ZSWIM8: variants seen among roughly 807,000 people sequenced by gnomAD.
The protein encoded by ZSWIM8 is zinc finger SWIM domain-containing protein 8.
In ZSWIM8, 27 loss-of-function variants were observed where a neutral mutation model predicts 173.7. The observed-to-expected ratio is 0.16, with a 90% CI of 0.11 to 0.21. ZSWIM8 has a LOEUF of 0.21. ZSWIM8 is among the 10% of genes least tolerant of loss of function. The pLI, the probability that ZSWIM8 is intolerant of heterozygous loss-of-function variation, is 1.00. For synonymous variants in ZSWIM8, 958 were observed against 962.0 expected, an observed-to-expected ratio of 1.00 and a Z score of 0.08; for missense variants, 1,627 against 2,428.8, an observed-to-expected ratio of 0.67 and a Z score of 6.94.
chr10:73,791,132 C>T lies in ZSWIM8; in HGVS notation c.1099C>T (p.Pro367Ser). 1 of 1,613,156 alleles carries T rather than the reference C, an allele frequency of 6.2e-7. No homozygotes were observed. The highest frequency in any genetic ancestry group is 8.5e-7 in the Non-Finnish European group (1 of 1,179,272). The change falls in exon 8 of 26, where the codon CCC becomes TCC. Residue 367 changes from proline (P) to serine (S), a missense_variant. Transcript: ENST00000604729. This position sits in a 1 kb window ranked among gnomAD's most constrained non-coding sequence, Gnocchi z 6.0. ...CAAGCGGAGGGACAGCAATGCTGCC[C>T]CCTTGTTGGAAATCCTCACTGACCA... ...MFKRRDSNAA[P>S]LLEILTDQCL...
chr10:73,791,600 T>A lies in ZSWIM8; in HGVS notation c.1319+101T>A. The A allele has an allele frequency of 8.8e-6, 12 of 1,356,464 alleles. No individual in the cohort carries two copies. The highest frequency in any genetic ancestry group is 1.2e-5 in the Non-Finnish European group (12 of 1,022,754). The allele number at this position is 1,356,464 out of a possible 1,614,324, so 84.0% of individuals were successfully genotyped here. On this transcript the variant is annotated intron_variant, in intron 9 of 25. Transcript: ENST00000604729. The surrounding 1 kb of genome is among the most constrained non-coding windows in gnomAD (Gnocchi z 6.0). ...TTGCAGAGACATACCATGATTTTAG[T>A]CCTCGGGAAACGGGAGGTGCTGAGC...
chr10:73,799,849 G>C, intron 21 of ZSWIM8, 162 bp from the exon 22 acceptor site: 1 of 705,838 alleles, frequency 1.4e-6, no homozygotes, highest in Admixed American at 2.8e-5. Context: ...GGAGGCAGAG[G>C]TTGCAGTGAG....
Position 73,800,041 on chromosome 10 carries a change from T to C in ZSWIM8, c.4696T>C (p.Tyr1566His). ...GCATCCTGCATTCCTAGGGGCTCAG[T>C]ACCCTTATTCAGTGACTCCTCCCTC... ...GVHPAFLGAQ[Y>H]PYSVTPPSLA... Residue 1566 changes from tyrosine (Y) to histidine (H), a missense_variant, in exon 22 of 26, where the codon TAC becomes CAC. Tyr to His is a moderately conservative substitution (Grantham distance 83, BLOSUM62 2). Coordinates refer to ENST00000604729, the MANE Select transcript of ZSWIM8 (RefSeq NM_001367799.1). This position sits in a 1 kb window ranked among gnomAD's most constrained non-coding sequence, Gnocchi z 4.1. The C allele has an allele frequency of 6.2e-7, 1 of 1,613,822 alleles. No individual in the cohort carries two copies. Among genetic ancestry groups the C allele is most frequent in the Non-Finnish European group, 8.5e-7 (1 of 1,179,806 alleles).
At chr10:73,794,720 G>T in intron 14 of ZSWIM8, 81 bp downstream of exon 14, 1 of 1,257,044 alleles carries the variant, frequency 8.0e-7, no homozygotes, top group Non-Finnish European at 1.1e-6. Flanking sequence ...GTGAAGGGCT[G>T]TATGGTAATG....
Position 73,795,622 on chromosome 10 carries a change from C to T in ZSWIM8, c.2992C>T (p.Leu998=), listed in dbSNP as rs1215010776. 6 of 1,613,712 alleles carry T rather than the reference C, an allele frequency of 3.7e-6. No homozygotes were observed. The African/African-American group carries it at 4.0e-5, about 11-fold the overall frequency. The change falls in exon 15 of 26, where the codon CTA becomes TTA. Residue 998 remains leucine (L), a synonymous_variant. Coordinates refer to ENST00000604729, the MANE Select transcript of ZSWIM8 (RefSeq NM_001367799.1). ...GGAGAAGGGTGACCTGGCATTAGCA[C>T]TAATGATCACTTACAAGGACGACCA... ...RREKGDLALA[L]MITYKDDQAK...
At chr10:73,796,559 C>T in intron 15 of ZSWIM8, 1 of 608,190 alleles carries the variant, frequency 1.6e-6, no homozygotes. Context: ...TATATTCTGC[C>T]CTGTGGTGTT....
rs370446524 is a variant in ZSWIM8, at chr10:73,797,868, G to A, written c.3750G>A (p.Ala1250=). The part of the protein sequence containing the change: ...EAAAHFYFEL[A]KTVLIKAGGN... ...CTGCACACTTCTACTTCGAGCTGGC[G>A]AAGACAGTGCTGATCAAGGCAGGGG... is the stretch of plus-strand genomic sequence containing the variant. Residue 1250 remains alanine (A), a synonymous_variant, in exon 19 of 26, where the codon GCG becomes GCA. Coordinates refer to ENST00000604729, the MANE Select transcript of ZSWIM8 (RefSeq NM_001367799.1). This position sits in a 1 kb window ranked among gnomAD's most constrained non-coding sequence, Gnocchi z 5.6. The A allele has an allele frequency of 1.4e-5, 22 of 1,613,716 alleles. No individual in the cohort carries two copies. Among genetic ancestry groups the A allele is most frequent in the Admixed American group, 6.7e-5 (4 of 59,982 alleles).
chr10:73,795,549 A>G lies in ZSWIM8; in HGVS notation c.2919A>G (p.Thr973=), dbSNP rs1159895213. ...EAAVAALGMK[T]TVSEAEHPLL... ...TCCTCTTTCTCGCAGGCATGAAGAC[A>G]ACAGTGAGCGAGGCAGAACATCCCC... Residue 973 remains threonine, a synonymous_variant, in exon 15 of 26, where the codon ACA becomes ACG. Transcript: ENST00000604729. 1.9e-6 allele frequency: 3 copies of G among 1,613,862 alleles called. No homozygotes were observed. The highest frequency in any genetic ancestry group is 1.7e-6 in the Non-Finnish European group (2 of 1,179,878).
chr10:73,801,126 T>C lies in ZSWIM8; in HGVS notation c.5232T>C (p.His1744=), dbSNP rs2083939549. 3 of 1,588,042 alleles carry C rather than the reference T, an allele frequency of 1.9e-6. No homozygotes were observed. Among genetic ancestry groups the C allele is most frequent in the East Asian group, 2.3e-5 (1 of 43,204 alleles). The change falls in exon 25 of 26, where the codon CAT becomes CAC. Residue 1744 remains histidine, a synonymous_variant. Transcript: ENST00000604729. The surrounding 1 kb of genome is among the most constrained non-coding windows in gnomAD (Gnocchi z 4.9). The part of the protein sequence containing the change: ...METLQRLSPA[H]AHNHLRAPAF... ...CGCTGCAGCGGCTGAGTCCCGCTCATGCCCACAACCACCTGCGTGCCCCGG... is the reference window on the plus strand; with the variant it reads ...CGCTGCAGCGGCTGAGTCCCGCTCACGCCCACAACCACCTGCGTGCCCCGG...
chr10:73,792,081 T>C lies in ZSWIM8; in HGVS notation c.1542T>C (p.Ser514=), dbSNP rs1191490147. The part of the protein sequence containing the change: ...LALCWARALP[S]RPGASRSGGL... ...TGTGCTGGGCCCGGGCCCTGCCCTC[T>C]CGGCCAGGTGCCTCCCGCTCTGGGG... Residue 514 remains serine (S), a synonymous_variant, in exon 10 of 26, where the codon TCT becomes TCC. Transcript: ENST00000604729. This position sits in a 1 kb window ranked among gnomAD's most constrained non-coding sequence, Gnocchi z 4.3. 6.5e-7 allele frequency: 1 copy of C among 1,533,036 alleles called. No homozygotes were observed. The highest frequency in any genetic ancestry group is 1.4e-5 in the African/African-American group (1 of 72,696). The allele number at this position is 1,533,036 out of a possible 1,614,324, so 95.0% of individuals were successfully genotyped here. A position where few individuals can be genotyped will look rare whatever the true frequency, so the allele number is the denominator to read the frequency against.
Position 73,801,261 on chromosome 10 carries a change from A to G in ZSWIM8, c.5302-55A>G. The G allele has an allele frequency of 6.2e-7, 1 of 1,604,880 alleles. No individual in the cohort carries two copies. ...GGGTGGTCTTGGACCAGAGGGAGGC[A>G]GGGCCTGTTTCTGTGCTTTGTACTA... is the stretch of plus-strand genomic sequence containing the variant. On this transcript the variant is annotated intron_variant, in intron 25 of 25. Coordinates refer to ENST00000604729, the MANE Select transcript of ZSWIM8 (RefSeq NM_001367799.1). This position sits in a 1 kb window ranked among gnomAD's most constrained non-coding sequence, Gnocchi z 4.9.
At position 73,793,735 on chromosome 10, in the gene ZSWIM8, C is replaced by T. The variant is rs776733846; in HGVS notation, c.2445+16C>T. 6.3e-7 allele frequency: 1 copy of T among 1,588,382 alleles called. No individual in the cohort carries two copies. Among genetic ancestry groups the T allele is most frequent in the East Asian group, 2.3e-5 (1 of 44,388 alleles). On this transcript the variant is annotated intron_variant, in intron 11 of 25. Transcript: ENST00000604729. ...CCCTGCCAAGGTGAGAGACCCCCTT[C>T]CTCTACCTTCCCCTCCCCCACTTAC...
chr10:73,800,980 G>T lies in ZSWIM8; in HGVS notation c.5123-37G>T, dbSNP rs2083930490. 7 of 1,518,986 alleles carry T rather than the reference G, an allele frequency of 4.6e-6. No homozygotes were observed. The highest frequency in any genetic ancestry group is 6.2e-6 in the Non-Finnish European group (7 of 1,124,284). 94.1% of individuals were successfully genotyped at this position (1,518,986 alleles called of 1,614,324 possible). A position where few individuals can be genotyped will look rare whatever the true frequency, so the allele number is the denominator to read the frequency against. On this transcript the variant is annotated intron_variant, in intron 24 of 25. Transcript: ENST00000604729. The surrounding 1 kb of genome is among the most constrained non-coding windows in gnomAD (Gnocchi z 4.1). ...AAGTTGGGTCCCTAGGGCAGAGGTGGCCACCCCCGTCTCATGCCCCTCCCC... is the reference window on the plus strand; with the variant it reads ...AAGTTGGGTCCCTAGGGCAGAGGTGTCCACCCCCGTCTCATGCCCCTCCCC...
In ZSWIM8 at chr10:73,800,091, C is replaced by G. The variant is rs1321310459; in HGVS notation, c.4746C>G (p.Phe1582Leu). ...CACTTGCTGCCACTGCTGTGTCTTT[C>G]CCCGTTCCTTCCATGGCACCCATCA... ...PPSLAATAVS[F>L]PVPSMAPITV... Residue 1582 changes from phenylalanine (F) to leucine (L), a missense_variant, in exon 22 of 26, where the codon TTC becomes TTG. This residue lies in a region of ZSWIM8 where 275 missense variants were observed against 290.1 expected (regional missense o/e 0.95). Transcript: ENST00000604729. The surrounding 1 kb of genome is among the most constrained non-coding windows in gnomAD (Gnocchi z 4.1). 6.2e-7 allele frequency: 1 copy of G among 1,613,864 alleles called. No individual in the cohort carries two copies. Among genetic ancestry groups the G allele is most frequent in the East Asian group, 2.2e-5 (1 of 44,872 alleles).
In ZSWIM8 at chr10:73,797,435, A is replaced by G. The variant is rs1295335673; in HGVS notation, c.3492A>G (p.Leu1164=). Residue 1164 remains leucine (L), a synonymous_variant, in exon 18 of 26, where the codon TTA becomes TTG. Transcript: ENST00000604729. This position sits in a 1 kb window ranked among gnomAD's most constrained non-coding sequence, Gnocchi z 5.6. The part of the protein sequence containing the change: ...PETTSDSSPT[L]SRRPLRGGWA... Reference sequence around the variant, plus strand: ...CAACATCGGATAGTTCCCCCACCTTAAGCCGGAGACCACTTCGAGGGGGCT... The same window carrying G: ...CAACATCGGATAGTTCCCCCACCTTGAGCCGGAGACCACTTCGAGGGGGCT... 2 of 1,613,832 alleles carry G rather than the reference A, an allele frequency of 1.2e-6. No homozygotes were observed. Among genetic ancestry groups the G allele is most frequent in the East Asian group, 2.2e-5 (1 of 44,862 alleles).
At position 73,801,716 on chromosome 10, in the gene ZSWIM8, C is replaced by CCTGT; in HGVS notation, c.*201_*204dup. ...GAAGCCTAGGGCTGGGGGAGACAGC[C>CCTGT]CTGTCTGGGAGGGGGCGTTGGGTGG... is the stretch of plus-strand genomic sequence containing the variant. On this transcript the variant is annotated 3_prime_UTR_variant, in exon 26 of 26. Coordinates refer to ENST00000604729, the MANE Select transcript of ZSWIM8 (RefSeq NM_001367799.1). The surrounding 1 kb of genome is among the most constrained non-coding windows in gnomAD (Gnocchi z 4.9). 6.5e-7 allele frequency: 1 copy of CCTGT among 1,531,968 alleles called. No individual in the cohort carries two copies. The highest frequency in any genetic ancestry group is 8.7e-7 in the Non-Finnish European group (1 of 1,145,128). The allele number at this position is 1,531,968 out of a possible 1,614,324, so 94.9% of individuals were successfully genotyped here.
intron 14 of ZSWIM8, 156 bp downstream of exon 14, chr10:73,794,795 G>A (rs2083553633): frequency 4.8e-6 from 3 of 625,080 alleles, no homozygotes; most frequent in Non-Finnish European, 8.2e-6. Context: ...GGGCAAAAAT[G>A]TGTGCTATAT....
In ZSWIM8 at chr10:73,797,775, C is replaced by T; in HGVS notation, c.3663-6C>T. On this transcript the variant is annotated splice_region_variant and splice_polypyrimidine_tract_variant and intron_variant, in intron 18 of 25. Transcript: ENST00000604729. This position sits in a 1 kb window ranked among gnomAD's most constrained non-coding sequence, Gnocchi z 5.6. The stretch of plus-strand genomic sequence containing the variant: ...AACCCCCGTCCCTACCCCATTGCCC[C>T]TTCAGGTACAAGGGCCGCCGCCCCG... The T allele has an allele frequency of 6.2e-7, 1 of 1,610,494 alleles. No individual in the cohort carries two copies. Among genetic ancestry groups the T allele is most frequent in the Non-Finnish European group, 8.5e-7 (1 of 1,177,358 alleles).
chr10:73,789,313 G>A lies in ZSWIM8; in HGVS notation c.458-54G>A. The A allele has an allele frequency of 6.4e-7, 1 of 1,567,154 alleles. No homozygotes were observed. Among genetic ancestry groups the A allele is most frequent in the Non-Finnish European group, 8.7e-7 (1 of 1,153,898 alleles). ...AATAACTGCAGGGCCAGGGTCAAGG[G>A]CAGAGACCCAGGTCCTGACAGCACT... On this transcript the variant is annotated intron_variant, in intron 3 of 25. Coordinates refer to ENST00000604729, the MANE Select transcript of ZSWIM8 (RefSeq NM_001367799.1). This position sits in a 1 kb window ranked among gnomAD's most constrained non-coding sequence, Gnocchi z 6.8.
Sources: allele counts gnomAD v4.1 joint callset, GRCh38; gene constraint gnomAD v4.1.1; regional missense constraint gnomAD v4.1.1; non-coding constraint Gnocchi (gnomAD v3.1); transcripts MANE v1.5; gene names NCBI Gene and HGNC (gene_info 2026-07-23, HGNC 2026-07-21).